DMD: variants seen among roughly 807,000 people sequenced by gnomAD.
DMD encodes the protein dystrophin.
Under a neutral mutation model 330.1 loss-of-function variants are expected in DMD, and 63 were observed. That is an observed-to-expected ratio of 0.19 (90% confidence interval 0.16 to 0.24). DMD has a LOEUF of 0.24. Ranked by LOEUF, DMD falls within the 10% of genes least tolerant of loss-of-function variation. The pLI, the probability that DMD is intolerant of heterozygous loss-of-function variation, is 1.00. For missense variants in DMD, 3,344 were observed against 2,684.1 expected (o/e 1.25, Z -5.43); for synonymous variants, 1,223 against 959.8 (o/e 1.27, Z -5.07).
intron 48 of DMD, among the ~76,000 whole-genome samples, chrX:31,848,721 G>A (rs1487092522): frequency 1.8e-5 from 2 of 110,314 alleles, no homozygotes; most frequent in Admixed American, 9.7e-5. Context: ...ATAACAGTAG[G>A]AGAATTTCAT....
At position 33,009,400 on chromosome X, in the gene DMD, A is replaced by ATATGTGTATATACACATGTGTGTATATG. The variant is rs2093549345; in HGVS notation, c.93+10711_93+10738dup. Among the ~76,000 whole-genome samples, 6 of 89,096 alleles carry ATATGTGTATATACACATGTGTGTATATG rather than the reference A, an allele frequency of 6.7e-5. 1 individual carries two copies. The highest frequency in any genetic ancestry group is 1.1e-4 in the Non-Finnish European group (5 of 46,283). The allele number at this position is 89,096 out of a possible 115,157, so 77.4% of individuals were successfully genotyped here. A position where few individuals can be genotyped will look rare whatever the true frequency, so the allele number is the denominator to read the frequency against. Reference sequence around the variant, plus strand: ...TATATACACGTGTATATATGTGTGTATATGTGTATATACACATGTGTGTAT... The same window carrying ATATGTGTATATACACATGTGTGTATATG: ...TATATACACGTGTATATATGTGTGTATATGTGTATATACACATGTGTGTATATGTATGTGTATATACACATGTGTGTAT... On this transcript the variant is annotated intron_variant, in intron 2 of 78. Transcript: ENST00000357033.
intron 57 of DMD, among the ~76,000 whole-genome samples, chrX:31,491,778 A>C (rs746957328): frequency 8.9e-6 from 1 of 111,887 alleles, no homozygotes; most frequent in Non-Finnish European, 1.9e-5. Context: ...CATGACAGCA[A>C]TTGATATTGA....
At position 31,323,001 on chromosome X, in the gene DMD, T is replaced by C. The variant is rs2056532809; in HGVS notation, c.9224+597A>G. Among the ~76,000 whole-genome samples the C allele has an allele frequency of 5.4e-5, 6 of 112,137 alleles. No homozygotes were observed. In the Admixed American group the frequency reaches 5.7e-4, roughly 11 times the overall value. On this transcript the variant is annotated intron_variant, in intron 62 of 78. Transcript: ENST00000357033. ...CCAATGTATTGTCATTTATATTTCA[T>C]GCAAAATACTACAGAAGGTGCTTCC...
intron 2 of DMD, among the ~76,000 whole-genome samples, chrX:32,991,710 G>T (rs1473179036): frequency 9.0e-6 from 1 of 111,696 alleles, no homozygotes; most frequent in Non-Finnish European, 1.9e-5. Context: ...ATGCCATCTT[G>T]TTACTATCTA....
At chrX:33,122,432 T>C (rs1454110707) in intron 1 of DMD, among the ~76,000 whole-genome samples, 1 of 111,990 alleles carries the variant, frequency 8.9e-6, no homozygotes, top group Non-Finnish European at 1.9e-5. Context: ...TATCTTTAAT[T>C]ACATGGCAGA....
intron 1 of DMD, among the ~76,000 whole-genome samples, chrX:33,063,814 A>C (rs999020212): frequency 8.1e-5 from 9 of 110,786 alleles, no homozygotes; most frequent in Non-Finnish European, 1.5e-4. Context: ...TGAAAATTGC[A>C]GTCCTAGATG....
chrX:31,935,977 T>C (rs73213546), intron 45 of DMD, among the ~76,000 whole-genome samples: 1,537 of 111,234 alleles, frequency 0.014, 10 homozygotes, highest in Non-Finnish European at 0.023. Flanking sequence ...TTATTCATCA[T>C]AGTTGAGATT....
At chrX:31,685,018 T>C (rs901696010) in intron 52 of DMD, among the ~76,000 whole-genome samples, 2 of 112,123 alleles carry the variant, frequency 1.8e-5, no homozygotes, top group Admixed American at 9.4e-5. Flanking sequence ...TACAAAAGTT[T>C]AAAAGAGGAC....
At chrX:33,066,561 G>A (rs527488645) in intron 1 of DMD, among the ~76,000 whole-genome samples, 1 of 109,552 alleles carries the variant, frequency 9.1e-6, no homozygotes, top group Admixed American at 9.9e-5. Flanking sequence ...AGCCCCCAAC[G>A]GTACCAGCAA....
chrX:32,463,612 T>G lies in DMD; in HGVS notation c.3277-18A>C. The G allele has an allele frequency of 9.0e-7, 1 of 1,111,986 alleles. No individual in the cohort carries two copies. The highest frequency in any genetic ancestry group is 2.4e-5 in the South Asian group (1 of 41,405). The allele number at this position is 1,111,986 out of a possible 1,213,427, so 91.6% of individuals were successfully genotyped here. A position where few individuals can be genotyped will look rare whatever the true frequency, so the allele number is the denominator to read the frequency against. On this transcript the variant is annotated intron_variant, in intron 24 of 78. Transcript: ENST00000357033. ...ACTAAAAGCTAAGAAAATAAATCAATTTAAGCCAGCTGAAAAAAATTACTG... is the reference window on the plus strand; with the variant it reads ...ACTAAAAGCTAAGAAAATAAATCAAGTTAAGCCAGCTGAAAAAAATTACTG...
chrX:31,613,840 C>T (rs899051808), intron 55 of DMD, among the ~76,000 whole-genome samples: 8 of 111,712 alleles, frequency 7.2e-5, no homozygotes, highest in African/African-American at 2.3e-4. Flanking sequence ...TAGAAGATCC[C>T]ACTTCTTAAT....
At chrX:33,257,307 A>AT (rs953632593) in intron 1 of DMD, among the ~76,000 whole-genome samples, 8 of 110,333 alleles carry the variant, frequency 7.3e-5, no homozygotes, top group Non-Finnish European at 1.1e-4. Flanking sequence ...CCTCCCTCCA[A>AT]TTTTTTTTAG....
intron 1 of DMD, among the ~76,000 whole-genome samples, chrX:33,255,278 A>G (rs1214446759): frequency 1.8e-5 from 2 of 111,215 alleles, no homozygotes; most frequent in Non-Finnish European, 1.9e-5. Flanking sequence ...AATGTAGTCA[A>G]TAGAGAATTA....
intron 7 of DMD, among the ~76,000 whole-genome samples, chrX:32,808,267 G>C (rs1603431455): frequency 8.9e-6 from 1 of 111,934 alleles, no homozygotes; most frequent in Admixed American, 9.5e-5. Context: ...AACATTTCAA[G>C]TCAACTTAAT....
At chrX:32,663,942 T>C (rs974315864) in intron 9 of DMD, among the ~76,000 whole-genome samples, 1 of 110,744 alleles carries the variant, frequency 9.0e-6, no homozygotes, top group Non-Finnish European at 1.9e-5. Flanking sequence ...AGAAGAAACA[T>C]AGAGAAAGGA....
At chrX:31,544,737 TG>T (rs1343550847) in intron 55 of DMD, among the ~76,000 whole-genome samples, 1 of 111,390 alleles carries the variant, frequency 9.0e-6, no homozygotes, top group East Asian at 2.8e-4. Flanking sequence ...TTTATGTTGT[TG>T]ATTTGTCCTT....
intron 4 of DMD, among the ~76,000 whole-genome samples, chrX:32,836,251 C>T (rs1395219466): frequency 1.8e-5 from 2 of 109,303 alleles, no homozygotes; most frequent in African/African-American, 3.3e-5. Context: ...AGGATGGTCT[C>T]GAACTCCTGA....
intron 55 of DMD, among the ~76,000 whole-genome samples, chrX:31,608,704 G>GGACGT (rs1464730397): frequency 9.0e-6 from 1 of 111,350 alleles, no homozygotes; most frequent in African/African-American, 3.3e-5. Context: ...CAGCCTAGAT[G>GGACGT]GACGTGTTCT....
intron 13 of DMD, among the ~76,000 whole-genome samples, chrX:32,589,543 T>G (rs1047711861): frequency 4.5e-5 from 5 of 111,117 alleles, no homozygotes; most frequent in Non-Finnish European, 7.5e-5. Flanking sequence ...TTTATACATA[T>G]ATTTTTATAT....
Sources: allele counts gnomAD v4.1 joint callset (sites outside exome capture counted in the v4.1 genomes callset), GRCh38; gene constraint gnomAD v4.1.1; transcripts MANE v1.5; gene names NCBI Gene and HGNC (gene_info 2026-07-23, HGNC 2026-07-21).